Variants in KDM5A observed in about 807,000 individuals in gnomAD.
KDM5A encodes the protein lysine-specific demethylase 5A.
Under a neutral mutation model 193.5 loss-of-function variants are expected in KDM5A, and 42 were observed. The ratio of observed to expected loss-of-function variants is 0.22; its 90% CI spans 0.17 to 0.28. The LOEUF (loss-of-function observed/expected upper bound fraction) is 0.28, where lower values mean the gene tolerates loss of function less well. Among genes scored for constraint, KDM5A ranks in the 10% least tolerant of loss-of-function variants. The pLI, the probability that KDM5A is intolerant of heterozygous loss-of-function variation, is 1.00. For synonymous variants in KDM5A, 796 were observed against 718.1 expected (o/e 1.11, Z -1.73); for missense variants, 1,692 against 2,055.1 (o/e 0.82, Z 3.42).
rs2137456471 is a variant in KDM5A at position 355,221 on chromosome 12, G to A, written c.807C>T (p.Thr269=). 6.2e-7 allele frequency: 1 copy of A among 1,612,330 alleles called. No homozygotes were observed. Among genetic ancestry groups the A allele is most frequent in the South Asian group, 1.1e-5 (1 of 91,036 alleles). Residue 269 remains threonine (T), a synonymous_variant, in exon 7 of 28, where the codon ACC becomes ACT. Coordinates refer to ENST00000399788, the MANE Select transcript of KDM5A (RefSeq NM_001042603.3). ...EDEVTRRRKV[T]NRSDAFNMQM... is the part of the protein sequence containing the mutation. The stretch of plus-strand genomic sequence containing the variant: ...GCATGTTAAATGCGTCTGACCTGTT[G>A]GTAACTTTTCGTCTTCGGGTGACCT...
At position 280,183 on chromosome 12, in the gene KDM5A, GATTCC is replaced by G. The variant is rs1327670329; in HGVS notation, c.*5268_*5272del. ...AGTTTATTCACATAATATAGTATTT[GATTCC>G]ATTCTTTTGTACTGTTCCCTACTTT... On this transcript the variant is annotated 3_prime_UTR_variant, in exon 28 of 28. Coordinates refer to ENST00000399788, the MANE Select transcript of KDM5A (RefSeq NM_001042603.3). 8.6e-6 allele frequency: 2 copies of G among 232,320 alleles called. No individual in the cohort carries two copies. The highest frequency in any genetic ancestry group is 1.7e-5 in the Non-Finnish European group (2 of 117,550). 14.4% of individuals were successfully genotyped at this position (232,320 alleles called of 1,614,324 possible).
In KDM5A at chr12:363,104, G is replaced by A. The variant is rs1015062286; in HGVS notation, c.538-7C>T. The A allele has an allele frequency of 2.5e-6, 4 of 1,613,848 alleles. No individual in the cohort carries two copies. The highest frequency in any genetic ancestry group is 2.2e-5 in the South Asian group (2 of 91,078). The stretch of plus-strand genomic sequence containing the variant: ...AATTAGGCATCTGCACACCCTAAAA[G>A]ATCAGAGCACAGAAAGAGAGCAGGT... On this transcript the variant is annotated splice_polypyrimidine_tract_variant and splice_region_variant and intron_variant, in intron 4 of 27. Transcript: ENST00000399788.
At chr12:328,056 G>A (rs1943815061) in intron 14 of KDM5A, among the ~76,000 whole-genome samples, 1 of 152,066 alleles carries the variant, frequency 6.6e-6, no homozygotes, top group Non-Finnish European at 1.5e-5. Flanking sequence ...CCATATAAGG[G>A]CATGAAAAAA....
Position 357,225 on chromosome 12 carries a change from C to T in KDM5A, c.673-688G>A, listed in dbSNP as rs138289342. 6.7e-3 allele frequency among the ~76,000 whole-genome samples: 1,018 copies of T among 151,702 alleles called. 16 individuals carry two copies. The highest frequency in any genetic ancestry group is 0.024 in the African/African-American group (989 of 41,316). On this transcript the variant is annotated intron_variant, in intron 5 of 27. Coordinates refer to ENST00000399788, the MANE Select transcript of KDM5A (RefSeq NM_001042603.3). ...AGTTTGAGAGGTTGAGGCAGTGAGG[C>T]GAGATCACGCTGCTGCACTCCACCC...
At chr12:351,523 A>AT (rs1944158919) in intron 9 of KDM5A, among the ~76,000 whole-genome samples, 1 of 152,072 alleles carries the variant, frequency 6.6e-6, no homozygotes, top group Non-Finnish European at 1.5e-5. Context: ...ACTATAGCAA[A>AT]TTTTTTTGAC....
At chr12:378,757 G>T (rs1325839833) in intron 3 of KDM5A, among the ~76,000 whole-genome samples, 1 of 151,944 alleles carries the variant, frequency 6.6e-6, no homozygotes, top group Non-Finnish European at 1.5e-5. Context: ...AGGAGATTGA[G>T]ACCATCCTGG....
chr12:372,457 G>C (rs1465595992), intron 3 of KDM5A, among the ~76,000 whole-genome samples: 4 of 152,204 alleles, frequency 2.6e-5, no homozygotes, highest in African/African-American at 9.6e-5. Context: ...CTGAGACTTT[G>C]CTGAAGTTGC....
At chr12:310,705 G>C (rs1943573346) in intron 21 of KDM5A, among the ~76,000 whole-genome samples, 180 bp downstream of exon 21, 1 of 152,102 alleles carries the variant, frequency 6.6e-6, no homozygotes, top group Non-Finnish European at 1.5e-5. Context: ...TTTTTCTAGG[G>C]ACAGCACAAG....
At chr12:386,357 T>C (rs1483565937) in intron 1 of KDM5A, among the ~76,000 whole-genome samples, 1 of 152,196 alleles carries the variant, frequency 6.6e-6, no homozygotes, top group Admixed American at 6.5e-5. Flanking sequence ...GCATAACGCT[T>C]GTGTATACTG....
At chr12:290,452 C>T (rs1943278932) in intron 27 of KDM5A, among the ~76,000 whole-genome samples, 1 of 152,170 alleles carries the variant, frequency 6.6e-6, no homozygotes, top group African/African-American at 2.4e-5. Context: ...TCAAAATAGA[C>T]ATTTTCTCTG....
intron 3 of KDM5A, among the ~76,000 whole-genome samples, chr12:367,911 A>C (rs886405392): frequency 6.6e-6 from 1 of 152,136 alleles, no homozygotes; most frequent in Non-Finnish European, 1.5e-5. Context: ...TTACCATATG[A>C]TGCTGCAATT....
At chr12:331,179 A>G (rs2137422028) in intron 13 of KDM5A, among the ~76,000 whole-genome samples, 1 of 152,300 alleles carries the variant, frequency 6.6e-6, no homozygotes, top group Middle Eastern at 3.4e-3. Context: ...TCACAGAGCT[A>G]CGTATTTGAA....
chr12:350,427 CAAAAAAAAAA>C (rs10616968), intron 10 of KDM5A, among the ~76,000 whole-genome samples, 184 bp downstream of exon 10: 1 of 101,190 alleles, frequency 9.9e-6, no homozygotes. Context: ...GATTCCTTCT[CAAAAAAAAAA>C]AAAAAAAAAG....
intron 24 of KDM5A, among the ~76,000 whole-genome samples, chr12:299,513 C>G (rs1178678012): frequency 1.3e-5 from 2 of 152,096 alleles, no homozygotes; most frequent in South Asian, 2.1e-4. Context: ...ATTTTCTCAC[C>G]ACCAGACCTG....
intron 14 of KDM5A, among the ~76,000 whole-genome samples, chr12:326,056 T>A (rs1943779242): frequency 6.6e-6 from 1 of 152,058 alleles, no homozygotes; most frequent in South Asian, 2.1e-4. Context: ...TCACGCTAAG[T>A]TTTTACACGA....
intron 1 of KDM5A, among the ~76,000 whole-genome samples, chr12:386,825 G>A (rs987819634): frequency 1.3e-5 from 2 of 151,924 alleles, no homozygotes; most frequent in Admixed American, 6.6e-5. Context: ...CCACAATTAT[G>A]CTTTCCCAAG....
intron 22 of KDM5A, among the ~76,000 whole-genome samples, chr12:308,490 C>A (rs1189308146): frequency 1.3e-5 from 2 of 152,170 alleles, no homozygotes; most frequent in East Asian, 3.8e-4. Context: ...TTCCCTGGGG[C>A]AAGTCCTACA....
Position 357,827 on chromosome 12 carries a change from CAAAAAAAAAAA to C in KDM5A, c.673-1301_673-1291del, listed in dbSNP as rs61577928. On this transcript the variant is annotated intron_variant, in intron 5 of 27. Coordinates refer to ENST00000399788, the MANE Select transcript of KDM5A (RefSeq NM_001042603.3). ...TGGGCGACAGAGCAAGACTCAGTCT[CAAAAAAAAAAA>C]AAAAAAAAAAAAAAAAGCCCTTTTG... Among the ~76,000 whole-genome samples the C allele has an allele frequency of 1.0e-3, 30 of 29,866 alleles. 1 individual carries two copies. The Middle Eastern group carries it at 0.12, about 115-fold the overall frequency. 19.6% of individuals were successfully genotyped at this position (29,866 alleles called of 152,430 possible).
At chr12:375,616 GAGA>G (rs1470898229) in intron 3 of KDM5A, among the ~76,000 whole-genome samples, 2 of 152,216 alleles carry the variant, frequency 1.3e-5, no homozygotes, top group Admixed American at 1.3e-4. Context: ...CGTTGCTGGC[GAGA>G]AGCTGTGTTC....
Sources: gnomAD v4.1 joint callset for allele counts (sites outside exome capture counted in the v4.1 genomes callset) on GRCh38, gnomAD v4.1.1 for gene constraint, MANE v1.5 for transcripts, NCBI Gene and HGNC (gene_info 2026-07-23, HGNC 2026-07-21) for gene names.